KIF26B: variants seen among roughly 807,000 people sequenced by gnomAD.
KIF26B encodes the protein kinesin-like protein KIF26B.
A neutral mutation model predicts 151.2 loss-of-function variants in KIF26B; 63 were observed. The ratio of observed to expected loss-of-function variants is 0.42; its 90% CI spans 0.34 to 0.51. The LOEUF (loss-of-function observed/expected upper bound fraction) is 0.51. KIF26B is among the 20% of genes least tolerant of loss of function. The pLI, the probability that KIF26B is intolerant of heterozygous loss-of-function variation, is 0.07. For missense variants in KIF26B, 2,813 were observed against 2,913.6 expected (o/e 0.97, Z 0.79); for synonymous variants, 1,357 against 1,262.1 (o/e 1.08, Z -1.59).
intron 9 of KIF26B, among the ~76,000 whole-genome samples, chr1:245,645,132 A>G (rs1297776151): frequency 6.6e-6 from 1 of 152,046 alleles, no homozygotes; most frequent in Non-Finnish European, 1.5e-5. Context: ...ATCCACCCCC[A>G]AGACCCAAAC....
intron 3 of KIF26B, among the ~76,000 whole-genome samples, chr1:245,384,452 C>T (rs1673492368): frequency 6.6e-6 from 1 of 152,194 alleles, no homozygotes; most frequent in African/African-American, 2.4e-5. Flanking sequence ...AAGACAGGAT[C>T]TCTTTCTGTT....
At chr1:245,543,902 C>T (rs969409211) in intron 5 of KIF26B, among the ~76,000 whole-genome samples, 2 of 152,022 alleles carry the variant, frequency 1.3e-5, no homozygotes, top group Non-Finnish European at 2.9e-5. Flanking sequence ...GAGCAGAGAT[C>T]GCGCCACTGT....
chr1:245,322,574 T>A lies in KIF26B; in HGVS notation c.466-44260T>A, dbSNP rs571006453. Reference sequence around the variant, plus strand: ...AAGAGACAGTACTCTAAAGTCAGCATGATAATGGACAGAAGAACAAATGAT... The same window carrying A: ...AAGAGACAGTACTCTAAAGTCAGCAAGATAATGGACAGAAGAACAAATGAT... On this transcript the variant is annotated intron_variant, in intron 2 of 14. Coordinates refer to ENST00000407071, the MANE Select transcript of KIF26B (RefSeq NM_018012.4). Among the ~76,000 whole-genome samples the A allele has an allele frequency of 1.4e-4, 22 of 152,246 alleles. No homozygotes were observed. The South Asian group carries it at 1.7e-3, about 11-fold the overall frequency.
At chr1:245,353,446 C>T (rs1225361950) in intron 2 of KIF26B, among the ~76,000 whole-genome samples, 3 of 152,066 alleles carry the variant, frequency 2.0e-5, no homozygotes, top group African/African-American at 4.8e-5. Flanking sequence ...GGTGGAGGGG[C>T]GGTAGGGGTG....
At chr1:245,646,412 C>T in intron 10 of KIF26B, 132 bp downstream of exon 10, 2 of 899,486 alleles carry the variant, frequency 2.2e-6, no homozygotes, top group East Asian at 2.7e-5. Context: ...TGCCAGAGAC[C>T]AGCCTTAGCT....
chr1:245,507,416 C>A (rs1660746519), intron 4 of KIF26B, among the ~76,000 whole-genome samples: 1 of 152,234 alleles, frequency 6.6e-6, no homozygotes, highest in South Asian at 2.1e-4. Flanking sequence ...AGCGCTGGAG[C>A]ATAAATGGCC....
At chr1:245,599,832 G>T (rs2043373002) in intron 5 of KIF26B, among the ~76,000 whole-genome samples, 1 of 152,130 alleles carries the variant, frequency 6.6e-6, no homozygotes, top group Non-Finnish European at 1.5e-5. Flanking sequence ...CAGTGAATAA[G>T]AAAATTGCCA....
At chr1:245,448,528 A>T (rs543185352) in intron 4 of KIF26B, among the ~76,000 whole-genome samples, 136 of 152,248 alleles carry the variant, frequency 8.9e-4, no homozygotes, top group African/African-American at 3.2e-3. Context: ...GTTGTTTTTA[A>T]CTTACCCAGT....
intron 9 of KIF26B, among the ~76,000 whole-genome samples, chr1:245,642,128 C>T (rs2043898529): frequency 1.3e-5 from 2 of 152,166 alleles, no homozygotes; most frequent in South Asian, 4.1e-4. Context: ...TATGTGGGAA[C>T]ACTGGCCACC....
intron 4 of KIF26B, among the ~76,000 whole-genome samples, chr1:245,425,053 T>C (rs1239929269): frequency 6.7e-6 from 1 of 149,834 alleles, no homozygotes; most frequent in African/African-American, 2.5e-5. Context: ...ATCAAGAACA[T>C]TTCAAACGAG....
At chr1:245,544,795 G>C (rs80198916) in intron 5 of KIF26B, among the ~76,000 whole-genome samples, 2,762 of 152,242 alleles carry the variant, frequency 0.018, 101 homozygotes, top group African/African-American at 0.062. Context: ...ATTGGGAGAG[G>C]AAGGGGAATA....
In KIF26B at chr1:245,156,602, G is replaced by A. The variant is rs1454286189; in HGVS notation, c.384G>A (p.Trp128Ter). 6.6e-7 allele frequency: 1 copy of A among 1,526,666 alleles called. No individual in the cohort carries two copies. Among genetic ancestry groups the A allele is most frequent in the Non-Finnish European group, 8.7e-7 (1 of 1,143,566 alleles). The allele number at this position is 1,526,666 out of a possible 1,614,324, so 94.6% of individuals were successfully genotyped here. The stretch of plus-strand genomic sequence containing the variant: ...CCCCCGGCTCGGACCGCGGCGTCTG[G>A]TGCGAGAACTGCAACGCCCGCCTGG... ...GSSPGSDRGV[W>*]CENCNARLVE... The change falls in exon 2 of 15, where the codon TGG becomes TGA. Residue 128 changes from tryptophan to a stop codon, truncating the protein, a stop_gained. Transcript: ENST00000407071. LOFTEE classifies it high-confidence loss of function.
chr1:245,643,381 T>C (rs990520148), intron 9 of KIF26B, among the ~76,000 whole-genome samples: 1 of 152,198 alleles, frequency 6.6e-6, no homozygotes, highest in Non-Finnish European at 1.5e-5. Flanking sequence ...CTTTTATTGT[T>C]TAATTATTGC....
chr1:245,372,116 G>A (rs147361061), intron 3 of KIF26B, among the ~76,000 whole-genome samples: 1 of 152,194 alleles, frequency 6.6e-6, no homozygotes, highest in East Asian at 1.9e-4. Flanking sequence ...TGGCGGGTGG[G>A]TGGGCATTAC....
At chr1:245,612,048 T>G in intron 9 of KIF26B, 72 bp downstream of exon 9, 1 of 1,207,872 alleles carries the variant, frequency 8.3e-7, no homozygotes. Flanking sequence ...TGGGCAACCA[T>G]GACCTTTGTG....
At chr1:245,386,599 G>A (rs1006242803) in intron 3 of KIF26B, among the ~76,000 whole-genome samples, 8 of 152,158 alleles carry the variant, frequency 5.3e-5, no homozygotes, top group Admixed American at 1.3e-4. Flanking sequence ...TTGTGGCGTA[G>A]GTAAACACAG....
intron 4 of KIF26B, among the ~76,000 whole-genome samples, chr1:245,475,288 G>A (rs954225011): frequency 6.6e-6 from 1 of 151,790 alleles, no homozygotes; most frequent in African/African-American, 2.4e-5. Context: ...ATCGGAATGA[G>A]GTCATACTTG....
intron 3 of KIF26B, among the ~76,000 whole-genome samples, chr1:245,383,908 C>T (rs1673476047): frequency 6.6e-6 from 1 of 152,112 alleles, no homozygotes; most frequent in Non-Finnish European, 1.5e-5. Flanking sequence ...GAACGTGTGC[C>T]TGGGTTGCTA....
intron 2 of KIF26B, among the ~76,000 whole-genome samples, chr1:245,243,908 A>G (rs1670262371): frequency 6.6e-6 from 1 of 151,724 alleles, no homozygotes. Flanking sequence ...GAAAAGAAAG[A>G]TACCCTTTCT....
Sources: gnomAD v4.1 joint callset for allele counts (sites outside exome capture counted in the v4.1 genomes callset) on GRCh38, gnomAD v4.1.1 for gene constraint, MANE v1.5 for transcripts, NCBI Gene and HGNC (gene_info 2026-07-23, HGNC 2026-07-21) for gene names.